The following TRIM37 variants were observed in gnomAD, a reference collection of about 807,000 sequenced individuals.
TRIM37 encodes E3 ubiquitin-protein ligase TRIM37.
A neutral mutation model predicts 129.8 loss-of-function variants in TRIM37; 80 were observed. That is an observed-to-expected ratio of 0.62 (90% confidence interval 0.51 to 0.74). TRIM37 has a LOEUF of 0.74. Among genes scored for constraint, TRIM37 ranks in the 30% least tolerant of loss-of-function variants. The pLI is 0.00. For synonymous variants in TRIM37, 389 were observed against 387.1 expected (o/e 1.00, Z -0.06); for missense variants, 1,054 against 1,176.5 (o/e 0.90, Z 1.52).
At chr17:59,021,815 A>G (rs1285462281) in intron 19 of TRIM37, among the ~76,000 whole-genome samples, 2 of 151,832 alleles carry the variant, frequency 1.3e-5, no homozygotes, top group Non-Finnish European at 2.9e-5. Context: ...GATGATGGAT[A>G]CTCCATTTAC....
At chr17:59,006,681 G>C (rs1386878395) in intron 22 of TRIM37, among the ~76,000 whole-genome samples, 1 of 152,092 alleles carries the variant, frequency 6.6e-6, no homozygotes, top group Non-Finnish European at 1.5e-5. Context: ...CCGAGGTCAG[G>C]AGTTCGAGAC....
In TRIM37 at chr17:59,001,599, TTCATCC is replaced by T. The variant is rs1167975148; in HGVS notation, c.2805_2810del (p.Glu937_Asp938del). The T allele has an allele frequency of 1.2e-6, 2 of 1,613,932 alleles. No individual in the cohort carries two copies. The highest frequency in any genetic ancestry group is 3.3e-5 in the Admixed American group (2 of 59,992). The stretch of plus-strand genomic sequence containing the variant: ...GTAAAATGACATCATGTGCTGCACC[TTCATCC>T]GGGGGCTGTGTCATGACCATGAAGG... On this transcript the variant is annotated inframe_deletion and splice_region_variant, in exon 23 of 24. Transcript: ENST00000262294.
chr17:59,046,292 G>A (rs1301981217), intron 16 of TRIM37, among the ~76,000 whole-genome samples: 1 of 152,146 alleles, frequency 6.6e-6, no homozygotes, highest in Non-Finnish European at 1.5e-5. Context: ...ATTTTGGAGT[G>A]AAGAAACCTG....
At chr17:59,066,523 T>C (rs1287965567) in intron 9 of TRIM37, among the ~76,000 whole-genome samples, 1 of 152,188 alleles carries the variant, frequency 6.6e-6, no homozygotes, top group Non-Finnish European at 1.5e-5. Context: ...AGAGATGCCA[T>C]TTTCAACTCA....
At position 59,030,964 on chromosome 17, in the gene TRIM37, C is replaced by T. The variant is rs536865790; in HGVS notation, c.1948+932G>A. Among the ~76,000 whole-genome samples, 6 of 152,248 alleles carry T rather than the reference C, an allele frequency of 3.9e-5. No homozygotes were observed. In the East Asian group the frequency reaches 5.8e-4, roughly 15 times the overall value. ...AAAACTTTATATAAAGCATACTTGG[C>T]GCACACATAAAAGGCAACTGTTTCA... On this transcript the variant is annotated intron_variant, in intron 18 of 23. Coordinates refer to ENST00000262294, the MANE Select transcript of TRIM37 (RefSeq NM_015294.6).
intron 19 of TRIM37, among the ~76,000 whole-genome samples, chr17:59,021,155 C>T (rs1273024854): frequency 1.3e-5 from 2 of 152,098 alleles, no homozygotes; most frequent in Non-Finnish European, 2.9e-5. Flanking sequence ...ACTTTGTAAG[C>T]CCGACTCAAG....
At chr17:59,086,440 T>C (rs1383106176) in intron 4 of TRIM37, among the ~76,000 whole-genome samples, 1 of 152,216 alleles carries the variant, frequency 6.6e-6, no homozygotes, top group Non-Finnish European at 1.5e-5. Context: ...GGTTTCACCA[T>C]GTTGGCCAGG....
At chr17:58,976,974 C>G in the TRIM37 span, among the ~76,000 whole-genome samples, 4 of 152,018 alleles carry the variant, frequency 2.6e-5, no homozygotes, top group East Asian at 7.7e-4. Context: ...ACACTGAATC[C>G]CATATTGGAT....
downstream of TRIM37, among the ~76,000 whole-genome samples, chr17:58,994,750 CTT>C (rs796722512): frequency 2.5e-4 from 36 of 142,308 alleles, no homozygotes; most frequent in Non-Finnish European, 2.6e-4. Flanking sequence ...TTCTTTCTTT[CTT>C]TTTTTTTTTT....
At chr17:59,103,397 A>G (rs2045698928) in intron 2 of TRIM37, among the ~76,000 whole-genome samples, 1 of 151,900 alleles carries the variant, frequency 6.6e-6, no homozygotes, top group Non-Finnish European at 1.5e-5. Flanking sequence ...GCTGGAGTGC[A>G]CTGGCATGAT....
At chr17:59,091,802 T>C (rs2044413975) in intron 2 of TRIM37, among the ~76,000 whole-genome samples, 1 of 151,006 alleles carries the variant, frequency 6.6e-6, no homozygotes. Flanking sequence ...CAACACAAAA[T>C]AGCTGTTAAA....
At chr17:59,047,080 A>G (rs901223433) in intron 16 of TRIM37, among the ~76,000 whole-genome samples, 1 of 151,668 alleles carries the variant, frequency 6.6e-6, no homozygotes, top group African/African-American at 2.4e-5. Context: ...CGTAATCCGG[A>G]AGGTGGAGCT....
At chr17:59,001,323 G>A (rs1322450970) in intron 23 of TRIM37, among the ~76,000 whole-genome samples, 1 of 151,956 alleles carries the variant, frequency 6.6e-6, no homozygotes, top group African/African-American at 2.4e-5. Flanking sequence ...ACAAAAGCAG[G>A]TTGTGGACCC....
At chr17:59,062,534 T>C (rs2041584044) in intron 11 of TRIM37, 33 bp downstream of exon 11, 2 of 1,568,788 alleles carry the variant, frequency 1.3e-6, no homozygotes, top group Non-Finnish European at 1.8e-6. Context: ...AAGACCTTGG[T>C]TTCAAAATTT....
intron 22 of TRIM37, among the ~76,000 whole-genome samples, chr17:59,008,978 C>A (rs2034895224): frequency 6.6e-6 from 1 of 152,160 alleles, no homozygotes; most frequent in African/African-American, 2.4e-5. Context: ...TCCCTTCTGG[C>A]CTTTCACCAG....
chr17:59,034,256 A>C (rs1239259834), intron 17 of TRIM37, among the ~76,000 whole-genome samples: 1 of 152,020 alleles, frequency 6.6e-6, no homozygotes. Flanking sequence ...TAAGTTGCTC[A>C]TTCTTCCATG....
At position 58,998,952 on chromosome 17, in the gene TRIM37, C is replaced by T; in HGVS notation, c.*425G>A. The T allele has an allele frequency of 9.7e-7, 1 of 1,029,648 alleles. No homozygotes were observed. Among genetic ancestry groups the T allele is most frequent in the Non-Finnish European group, 1.2e-6 (1 of 856,076 alleles). The allele number at this position is 1,029,648 out of a possible 1,614,324, so 63.8% of individuals were successfully genotyped here. On this transcript the variant is annotated 3_prime_UTR_variant, in exon 24 of 24. Transcript: ENST00000262294. ...GCACTAATGGAACTGTAATTAAAAC[C>T]CCAAATATAAAGATGATTATTTAAA... is the stretch of plus-strand genomic sequence containing the variant.
intron 1 of TRIM37, among the ~76,000 whole-genome samples, chr17:59,105,307 G>A (rs2045895042): frequency 6.6e-6 from 1 of 152,118 alleles, no homozygotes; most frequent in African/African-American, 2.4e-5. Context: ...CTGCCCTGAT[G>A]TTACAACAGA....
chr17:59,040,139 C>A (rs1252915705), intron 17 of TRIM37, among the ~76,000 whole-genome samples: 3 of 152,040 alleles, frequency 2.0e-5, no homozygotes, highest in African/African-American at 7.2e-5. Context: ...CTCCTGGACT[C>A]AAGCGATGCA....
Sources: allele counts gnomAD v4.1 joint callset (sites outside exome capture counted in the v4.1 genomes callset), GRCh38; gene constraint gnomAD v4.1.1; transcripts MANE v1.5; gene names NCBI Gene and HGNC (gene_info 2026-07-23, HGNC 2026-07-21).